Variants in ASIC2 observed in about 807,000 individuals in gnomAD.
ASIC2 encodes the protein acid-sensing ion channel 2.
Under a neutral mutation model 57.3 loss-of-function variants are expected in ASIC2, and 25 were observed. That is an observed-to-expected ratio of 0.44 (90% CI 0.32 to 0.61). The LOEUF (loss-of-function observed/expected upper bound fraction) is 0.61. Among genes scored for constraint, ASIC2 ranks in the 20% least tolerant of loss-of-function variants. The pLI is 0.06. For synonymous variants in ASIC2, 319 were observed against 307.5 expected (o/e 1.04, Z -0.39); for missense variants, 641 against 738.1 (o/e 0.87, Z 1.52).
intron 1 of ASIC2, among the ~76,000 whole-genome samples, chr17:33,890,703 C>A (rs1914940587): frequency 6.6e-6 from 1 of 152,194 alleles, no homozygotes; most frequent in Non-Finnish European, 1.5e-5. Context: ...AGGAAAGACA[C>A]AAACACTTCA....
chr17:33,186,441 T>C (rs780849368), intron 1 of ASIC2, among the ~76,000 whole-genome samples: 10 of 152,220 alleles, frequency 6.6e-5, no homozygotes, highest in Admixed American at 1.3e-4. Context: ...CATTTCTCGC[T>C]TTATTTTTTG....
chr17:34,073,080 C>A (rs1020157616), intron 1 of ASIC2, among the ~76,000 whole-genome samples: 12 of 151,958 alleles, frequency 7.9e-5, no homozygotes, highest in African/African-American at 2.4e-4. Context: ...GGTGGGATTC[C>A]GCAAAGTTCC....
At chr17:34,127,660 G>T (rs949505284) in intron 1 of ASIC2, among the ~76,000 whole-genome samples, 1 of 152,214 alleles carries the variant, frequency 6.6e-6, no homozygotes, top group Non-Finnish European at 1.5e-5. Flanking sequence ...GCAGCTGGGG[G>T]CTTCAGCTCC....
intron 1 of ASIC2, among the ~76,000 whole-genome samples, chr17:34,054,958 T>C (rs1170716206): frequency 6.6e-6 from 1 of 152,122 alleles, no homozygotes; most frequent in Non-Finnish European, 1.5e-5. Context: ...AAAACAATCA[T>C]GTGAAGAATG....
chr17:34,037,651 A>C (rs1907940863), intron 1 of ASIC2: 4 of 1,612,626 alleles, frequency 2.5e-6, no homozygotes, highest in Non-Finnish European at 8.5e-7. Context: ...TGGACGCCCC[A>C]GAGGTTGATG....
chr17:33,404,069 T>G (rs1038829305), intron 1 of ASIC2, among the ~76,000 whole-genome samples: 6 of 152,168 alleles, frequency 3.9e-5, no homozygotes, highest in Non-Finnish European at 8.8e-5. Flanking sequence ...CATAGAGAGA[T>G]ATTCGTGTTT....
intron 1 of ASIC2, among the ~76,000 whole-genome samples, chr17:33,610,514 A>G (rs1010660682): frequency 6.6e-6 from 1 of 152,096 alleles, no homozygotes; most frequent in African/African-American, 2.4e-5. Flanking sequence ...TAATGGTCTG[A>G]GTATTATTTT....
intron 1 of ASIC2, among the ~76,000 whole-genome samples, chr17:33,948,137 T>G (rs941049516): frequency 6.6e-5 from 10 of 152,194 alleles, no homozygotes; most frequent in African/African-American, 2.4e-4. Flanking sequence ...GGCTGGACTC[T>G]GATGGGGCAG....
rs541218049 is a variant in ASIC2, at chr17:33,061,228, C to T, written c.987+27635G>A. ...ATAGGAGTGGTGAGAGAGGGCACTCCTGTCTTGTGCCAATTTTCAAAGGGA... is the reference window on the plus strand; with the variant it reads ...ATAGGAGTGGTGAGAGAGGGCACTCTTGTCTTGTGCCAATTTTCAAAGGGA... On this transcript the variant is annotated intron_variant, in intron 3 of 9. Coordinates refer to ENST00000225823, the MANE Select transcript of ASIC2 (RefSeq NM_183377.2). Among the ~76,000 whole-genome samples, 9 of 152,284 alleles carry T rather than the reference C, an allele frequency of 5.9e-5. 1 individual carries two copies. In the East Asian group the frequency reaches 1.2e-3, roughly 20 times the overall value.
chr17:33,217,187 T>C (rs1907523562), intron 1 of ASIC2, among the ~76,000 whole-genome samples: 1 of 152,164 alleles, frequency 6.6e-6, no homozygotes, highest in Non-Finnish European at 1.5e-5. Context: ...AAAGGCCCTG[T>C]TTCCTAGAGG....
intron 1 of ASIC2, among the ~76,000 whole-genome samples, chr17:33,442,190 T>C (rs987050948): frequency 6.6e-5 from 10 of 152,260 alleles, no homozygotes; most frequent in Admixed American, 6.5e-4. Context: ...ATTTATAGTA[T>C]GTTTTGAAAT....
chr17:34,045,568 G>A (rs1908304880), intron 1 of ASIC2, among the ~76,000 whole-genome samples: 1 of 152,166 alleles, frequency 6.6e-6, no homozygotes, highest in South Asian at 2.1e-4. Flanking sequence ...CACTGCTACT[G>A]TCTGTCTATA....
At chr17:33,053,443 C>T (rs1483763619) in intron 3 of ASIC2, among the ~76,000 whole-genome samples, 1 of 152,158 alleles carries the variant, frequency 6.6e-6, no homozygotes. Flanking sequence ...ACCTTGGCCC[C>T]TTTTCCTTCT....
intron 1 of ASIC2, among the ~76,000 whole-genome samples, chr17:33,229,528 C>T (rs776488260): frequency 7.2e-5 from 11 of 152,238 alleles, no homozygotes; most frequent in Non-Finnish European, 1.2e-4. Flanking sequence ...GAAGAGAAAA[C>T]GCCTGAGCTG....
intron 1 of ASIC2, among the ~76,000 whole-genome samples, chr17:33,365,403 GT>G: frequency 6.6e-6 from 1 of 151,660 alleles, no homozygotes; most frequent in Non-Finnish European, 1.5e-5. Context: ...TGATTCCCTA[GT>G]GTTTCCTGTA....
At position 33,168,720 on chromosome 17, in the gene ASIC2, AC is replaced by A. The variant is rs113582126; in HGVS notation, c.709-56654del. The stretch of plus-strand genomic sequence containing the variant: ...AAAGCATTCAGGCTGCTGTGTGGCT[AC>A]TTTTAACCACAAATAGTAAGACAAA... On this transcript the variant is annotated intron_variant, in intron 1 of 9. Coordinates refer to ENST00000225823, the MANE Select transcript of ASIC2 (RefSeq NM_183377.2). 5.8e-3 allele frequency among the ~76,000 whole-genome samples: 886 copies of A among 152,350 alleles called. 7 individuals are homozygous for A. The highest frequency in any genetic ancestry group is 0.02 in the African/African-American group (826 of 41,578).
chr17:33,862,518 A>T (rs1165160118), intron 1 of ASIC2, among the ~76,000 whole-genome samples: 2 of 152,338 alleles, frequency 1.3e-5, no homozygotes, highest in South Asian at 2.1e-4. Flanking sequence ...ACAGATTTTT[A>T]AAATCCTAAT....
chr17:33,595,977 C>T (rs549050326), intron 1 of ASIC2, among the ~76,000 whole-genome samples: 25 of 152,334 alleles, frequency 1.6e-4, no homozygotes, highest in African/African-American at 5.5e-4. Flanking sequence ...TTTCCTCTGG[C>T]TACAGACTCT....
rs902088690 is a variant in ASIC2 at position 33,298,343 on chromosome 17, C to T, written c.556-186276G>A. ...GTTCCCACCTATGAGTGAGAACATGCGGTGTTTGGTTTTCTGTGCTTGTGA... is the reference window on the plus strand; with the variant it reads ...GTTCCCACCTATGAGTGAGAACATGTGGTGTTTGGTTTTCTGTGCTTGTGA... On this transcript the variant is annotated intron_variant, in intron 1 of 9. Transcript: ENST00000359872. 1.0e-3 allele frequency among the ~76,000 whole-genome samples: 152 copies of T among 152,118 alleles called. 1 individual carries two copies. Among genetic ancestry groups the T allele is most frequent in the Non-Finnish European group, 1.8e-3 (125 of 68,000 alleles).
Sources: allele counts gnomAD v4.1 joint callset (sites outside exome capture counted in the v4.1 genomes callset), GRCh38; gene constraint gnomAD v4.1.1; transcripts MANE v1.5; gene names NCBI Gene and HGNC (gene_info 2026-07-23, HGNC 2026-07-21).